KANSL1L: variants seen among roughly 807,000 people sequenced by gnomAD.
KANSL1L encodes KAT8 regulatory NSL complex subunit 1-like protein.
Under a neutral mutation model 108.6 loss-of-function variants are expected in KANSL1L, and 25 were observed. That is an observed-to-expected ratio of 0.23 (90% confidence interval 0.17 to 0.32). The LOEUF (loss-of-function observed/expected upper bound fraction) is 0.32. Ranked by LOEUF, KANSL1L falls within the 10% of genes least tolerant of loss-of-function variation. The pLI is 1.00. For synonymous variants in KANSL1L, 405 were observed against 395.1 expected (o/e 1.03, Z -0.30); for missense variants, 1,137 against 1,125.7 (o/e 1.01, Z -0.14).
chr2:210,125,360 G>T (rs549033770), intron 3 of KANSL1L, among the ~76,000 whole-genome samples: 25 of 152,276 alleles, frequency 1.6e-4, no homozygotes, highest in African/African-American at 5.8e-4. Flanking sequence ...TGAATCTGAT[G>T]ACTTCAATGC....
intron 14 of KANSL1L, among the ~76,000 whole-genome samples, 199 bp from the exon 15 acceptor site, chr2:210,023,378 TCTTTA>T (rs1430606702): frequency 6.6e-6 from 1 of 152,226 alleles, no homozygotes; most frequent in Non-Finnish European, 1.5e-5. Flanking sequence ...GGGATTTATT[TCTTTA>T]CTTTGCCTCT....
At position 210,031,529 on chromosome 2, in the gene KANSL1L, G is replaced by T; in HGVS notation, c.2047C>A (p.Gln683Lys). 1 of 1,547,636 alleles carries T rather than the reference G, an allele frequency of 6.5e-7. No homozygotes were observed. The highest frequency in any genetic ancestry group is 8.9e-7 in the Non-Finnish European group (1 of 1,126,556). The change falls in exon 9 of 15, where the codon CAA (glutamine) becomes AAA (lysine). Residue 683 changes from glutamine (Q) to lysine (K), a missense_variant. Physicochemically the swap from Gln to Lys is moderately conservative, Grantham distance 53. Around this residue, in one of 3 missense-constraint regions of KANSL1L, gnomAD observed 575 missense variants for 567.1 expected, o/e 1.01. Transcript: ENST00000281772. ...ATAGGTGAATATCCATTTCTCCATTGATTCAGAGTACTATGTACTAAAACA... is the reference window on the plus strand; with the variant it reads ...ATAGGTGAATATCCATTTCTCCATTTATTCAGAGTACTATGTACTAAAACA... The part of the protein sequence containing the change: ...SPSPVHSTLN[Q>K]WRNGYSPICK...
intron 8 of KANSL1L, among the ~76,000 whole-genome samples, chr2:210,034,807 G>C (rs1575381498): frequency 6.6e-6 from 1 of 152,250 alleles, no homozygotes; most frequent in African/African-American, 2.4e-5. Flanking sequence ...GCTTGTGTGG[G>C]TTATGGTGCT....
chr2:210,138,577 C>G lies in KANSL1L; in HGVS notation c.1089-9405G>C, dbSNP rs568337076. Among the ~76,000 whole-genome samples, 183 of 152,216 alleles carry G rather than the reference C, an allele frequency of 1.2e-3. 1 individual carries two copies. Among genetic ancestry groups the G allele is most frequent in the African/African-American group, 4.1e-3 (172 of 41,530 alleles). ...TGTCTAAGGAAGCTTAACATTGGGACTTACGCTTTTTAAAAATCTTTTTTA... is the reference window on the plus strand; with the variant it reads ...TGTCTAAGGAAGCTTAACATTGGGAGTTACGCTTTTTAAAAATCTTTTTTA... On this transcript the variant is annotated intron_variant, in intron 2 of 14. Coordinates refer to ENST00000281772, the MANE Select transcript of KANSL1L (RefSeq NM_152519.4).
At chr2:210,164,896 C>T (rs1432348110) in intron 1 of KANSL1L, among the ~76,000 whole-genome samples, 12 of 141,538 alleles carry the variant, frequency 8.5e-5, no homozygotes, top group African/African-American at 1.8e-4. Flanking sequence ...GATGGAGTCT[C>T]GCCCCGCCAC....
intron 6 of KANSL1L, among the ~76,000 whole-genome samples, chr2:210,060,211 A>C (rs1312510198): frequency 6.6e-6 from 1 of 152,220 alleles, no homozygotes; most frequent in African/African-American, 2.4e-5. Context: ...ATGTACCTTA[A>C]TTCGTACCAC....
chr2:210,119,113 G>T, intron 3 of KANSL1L, among the ~76,000 whole-genome samples: 1 of 152,120 alleles, frequency 6.6e-6, no homozygotes, highest in East Asian at 1.9e-4. Context: ...GAACCTGGGA[G>T]GCGGAGGTTG....
chr2:210,154,030 C>G lies in KANSL1L; in HGVS notation c.553G>C (p.Asp185His). 6.2e-7 allele frequency: 1 copy of G among 1,613,952 alleles called. No individual in the cohort carries two copies. The highest frequency in any genetic ancestry group is 8.5e-7 in the Non-Finnish European group (1 of 1,179,964). The stretch of plus-strand genomic sequence containing the variant: ...AATAAACCCTTTTTAATCTCAGCAT[C>G]AGTAACTTTATCCAAAAGTGCATTC... ...QENALLDKVT[D>H]AEIKKGLLHC... The change falls in exon 2 of 15, where the codon GAT becomes CAT. Residue 185 changes from aspartate (D) to histidine (H), a missense_variant. By Grantham distance (81) the Asp-to-His change is moderately conservative (BLOSUM62 -1). This residue lies in a region of KANSL1L where 556 missense variants were observed against 537.7 expected (regional missense o/e 1.03). Coordinates refer to ENST00000281772, the MANE Select transcript of KANSL1L (RefSeq NM_152519.4).
chr2:210,134,919 A>G (rs2095160316), intron 2 of KANSL1L, among the ~76,000 whole-genome samples: 1 of 152,162 alleles, frequency 6.6e-6, no homozygotes, highest in Non-Finnish European at 1.5e-5. Flanking sequence ...ACTAACACCC[A>G]TGTTAGATAC....
chr2:210,113,232 T>G (rs1335764829), intron 3 of KANSL1L, among the ~76,000 whole-genome samples: 1 of 152,204 alleles, frequency 6.6e-6, no homozygotes, highest in African/African-American at 2.4e-5. Flanking sequence ...TCTCTTCATT[T>G]TTCTCTTTTC....
chr2:210,156,506 A>G (rs912273899), intron 1 of KANSL1L, among the ~76,000 whole-genome samples: 3 of 152,178 alleles, frequency 2.0e-5, no homozygotes, highest in African/African-American at 7.2e-5. Flanking sequence ...TAAAGTATCA[A>G]TACAGAAAGA....
At position 210,121,001 on chromosome 2, in the gene KANSL1L, T is replaced by C. The variant is rs577941342; in HGVS notation, c.1230+8030A>G. Among the ~76,000 whole-genome samples the C allele has an allele frequency of 7.9e-5, 12 of 152,142 alleles. 1 individual carries two copies. The East Asian group carries it at 1.7e-3, about 22-fold the overall frequency. ...TATTAAAAAGTCAAAAAATAACAGATGTTGGCAAGGTTGTGGAGAAAAAGG... is the reference window on the plus strand; with the variant it reads ...TATTAAAAAGTCAAAAAATAACAGACGTTGGCAAGGTTGTGGAGAAAAAGG... On this transcript the variant is annotated intron_variant, in intron 3 of 14. Transcript: ENST00000281772.
intron 3 of KANSL1L, among the ~76,000 whole-genome samples, chr2:210,118,630 T>C (rs973105173): frequency 2.0e-5 from 3 of 151,916 alleles, no homozygotes; most frequent in African/African-American, 7.3e-5. Flanking sequence ...GCAGACTGCT[T>C]GAGCTCAGGA....
chr2:210,026,840 G>A (rs1024227516), intron 12 of KANSL1L, among the ~76,000 whole-genome samples: 3 of 151,944 alleles, frequency 2.0e-5, no homozygotes, highest in African/African-American at 7.3e-5. Context: ...GTGCGATCTC[G>A]GCTCATTGCA....
At position 210,024,103 on chromosome 2, in the gene KANSL1L, C is replaced by T. The variant is rs2093900441; in HGVS notation, c.2663G>A (p.Gly888Glu). 3 of 1,608,400 alleles carry T rather than the reference C, an allele frequency of 1.9e-6. No individual in the cohort carries two copies. The highest frequency in any genetic ancestry group is 1.7e-5 in the Admixed American group (1 of 59,352). The change falls in exon 14 of 15, where the codon GGG becomes GAG. Residue 888 changes from glycine (G) to glutamate (E), a missense_variant. Physicochemically the swap from Gly to Glu is moderately conservative, Grantham distance 98 (BLOSUM62 -2). Around this residue, in one of 3 missense-constraint regions of KANSL1L, gnomAD observed 575 missense variants for 567.1 expected, o/e 1.01. Transcript: ENST00000281772. ...SQQCAAASPP[G>E]LPSENQDLCA... ...CAGATCCTGGTTCTCTGAAGGAAGC[C>T]CAGGAGGACTTGCAGCAGCACATTG... is the stretch of plus-strand genomic sequence containing the variant.
chr2:210,110,860 GGCTGAGGCTAAGAA>G (rs1376882369), intron 3 of KANSL1L, among the ~76,000 whole-genome samples: 1 of 152,086 alleles, frequency 6.6e-6, no homozygotes, highest in African/African-American at 2.4e-5. Flanking sequence ...CACTTTAAGA[GGCTGAGGCTAAGAA>G]GCTGAGGCAG....
At chr2:210,054,206 C>G (rs937924513) in intron 6 of KANSL1L, among the ~76,000 whole-genome samples, 7 of 151,444 alleles carry the variant, frequency 4.6e-5, no homozygotes, top group African/African-American at 1.7e-4. Context: ...CCTGTAGTCC[C>G]AGCTACTTGG....
intron 2 of KANSL1L, among the ~76,000 whole-genome samples, chr2:210,147,886 T>C (rs1575616837): frequency 6.6e-6 from 1 of 152,218 alleles, no homozygotes; most frequent in East Asian, 1.9e-4. Flanking sequence ...TCCTTTCCAT[T>C]GGCAAAGCAG....
rs754817765 is a variant in KANSL1L, at chr2:210,154,586, G to A, written c.-4C>T. On this transcript the variant is annotated 5_prime_UTR_variant, in exon 2 of 15. Coordinates refer to ENST00000281772, the MANE Select transcript of KANSL1L (RefSeq NM_152519.4). ...CCTCCCTCAGAGCTGGGGTCATGGC[G>A]ATTCCTGTAGATAAGTATTGGAAAC... 5 of 1,472,200 alleles carry A rather than the reference G, an allele frequency of 3.4e-6. No homozygotes were observed. Among genetic ancestry groups the A allele is most frequent in the Middle Eastern group, 1.8e-4 (1 of 5,512 alleles). The allele number at this position is 1,472,200 out of a possible 1,614,324, so 91.2% of individuals were successfully genotyped here.
Sources: allele counts gnomAD v4.1 joint callset (sites outside exome capture counted in the v4.1 genomes callset), GRCh38; gene constraint gnomAD v4.1.1; regional missense constraint gnomAD v4.1.1; transcripts MANE v1.5; gene names NCBI Gene and HGNC (gene_info 2026-07-23, HGNC 2026-07-21).